The following THADA variants were observed in gnomAD, a reference collection of about 807,000 sequenced individuals.
THADA encodes the protein THADA armadillo repeat containing.
In THADA, 213 loss-of-function variants were observed where a neutral mutation model predicts 219.8. The ratio of observed to expected loss-of-function variants is 0.97; its 90% CI spans 0.87 to 1.09. The LOEUF is 1.09. THADA is among the 50% of genes least tolerant of loss of function. THADA has a pLI of 0.00. For missense variants in THADA, 2,956 were observed against 2,311.3 expected (o/e 1.28, Z -5.72); for synonymous variants, 1,018 against 828.9 (o/e 1.23, Z -3.92).
chr2:43,502,093 G>C (rs1689066594), intron 24 of THADA, among the ~76,000 whole-genome samples: 1 of 151,858 alleles, frequency 6.6e-6, no homozygotes, highest in African/African-American at 2.4e-5. Flanking sequence ...AAATGTCTCT[G>C]TATTAGTTAT....
chr2:43,555,409 T>TAA (rs200004678), intron 17 of THADA, among the ~76,000 whole-genome samples: 1,944 of 151,346 alleles, frequency 0.013, 30 homozygotes, highest in African/African-American at 0.041. Context: ...TATATATATA[T>TAA]ATGTTTTTTA....
chr2:43,315,621 T>A (rs1677991442), intron 31 of THADA, among the ~76,000 whole-genome samples: 1 of 151,982 alleles, frequency 6.6e-6, no homozygotes, highest in South Asian at 2.1e-4. Context: ...CATAACACCA[T>A]GTCCAGCTAA....
intron 26 of THADA, among the ~76,000 whole-genome samples, chr2:43,472,260 T>C (rs75135247): frequency 0.07 from 10,634 of 152,240 alleles, 426 homozygotes; most frequent in Non-Finnish European, 0.098. Context: ...AAGTATGATA[T>C]CTCCAGAGAT....
intron 22 of THADA, among the ~76,000 whole-genome samples, chr2:43,514,053 C>A (rs1324547799): frequency 6.8e-6 from 1 of 147,980 alleles, no homozygotes; most frequent in Non-Finnish European, 1.5e-5. Context: ...CAGTGAGACA[C>A]TGTCCCTTAA....
chr2:43,389,616 A>T (rs1673106530), intron 29 of THADA, among the ~76,000 whole-genome samples: 1 of 152,204 alleles, frequency 6.6e-6, no homozygotes, highest in Admixed American at 6.5e-5. Context: ...TCACATGCTG[A>T]CCTGCACCCA....
chr2:43,342,728 G>A (rs193243554), intron 30 of THADA, among the ~76,000 whole-genome samples: 4 of 152,118 alleles, frequency 2.6e-5, no homozygotes, highest in Non-Finnish European at 5.9e-5. Context: ...ATTTATACAC[G>A]TCTTTCTCAC....
chr2:43,342,837 C>T (rs909878054), intron 30 of THADA, among the ~76,000 whole-genome samples: 1 of 152,136 alleles, frequency 6.6e-6, no homozygotes, highest in Non-Finnish European at 1.5e-5. Flanking sequence ...CTCAACAATG[C>T]TTTGTTGAAT....
intron 13 of THADA, 45 bp downstream of exon 13, chr2:43,571,662 A>G (rs768398518): frequency 2.0e-5 from 32 of 1,561,464 alleles, no homozygotes; most frequent in Non-Finnish European, 2.8e-5. Flanking sequence ...CGATTTCCCA[A>G]ACAAAGTTCA....
At chr2:43,528,126 CTTTTTTTTTTT>C (rs367822642) in intron 21 of THADA, 138 bp from the exon 22 acceptor site, 5 of 162,964 alleles carry the variant, frequency 3.1e-5, no homozygotes, top group African/African-American at 8.8e-5. Flanking sequence ...ATGTTTTAAG[CTTTTTTTTTTT>C]TTTTTTTTTT....
intron 26 of THADA, among the ~76,000 whole-genome samples, chr2:43,480,460 C>T (rs769718508): frequency 2.0e-4 from 31 of 152,034 alleles, no homozygotes; most frequent in East Asian, 1.9e-4. Context: ...GAGGGCCTGG[C>T]CCAGAGTAAA....
chr2:43,264,034 T>G (rs543939737), intron 36 of THADA, among the ~76,000 whole-genome samples: 6 of 152,292 alleles, frequency 3.9e-5, no homozygotes, highest in Admixed American at 2.0e-4. Context: ...TTTTCCTCCA[T>G]GGGCTGAGAC....
At chr2:43,367,317 T>A (rs1283627390) in intron 29 of THADA, among the ~76,000 whole-genome samples, 2 of 152,156 alleles carry the variant, frequency 1.3e-5, no homozygotes, top group Non-Finnish European at 2.9e-5. Context: ...GTTAAGATAG[T>A]AAATTTTATG....
At chr2:43,582,932 T>A (rs1700613477) in intron 7 of THADA, among the ~76,000 whole-genome samples, 1 of 152,098 alleles carries the variant, frequency 6.6e-6, no homozygotes, top group South Asian at 2.1e-4. Flanking sequence ...GCACTCCTTC[T>A]CGGATACCTT....
rs1234716275 is a variant in THADA, at chr2:43,577,186, C to T, written c.873G>A (p.Met291Ile). Residue 291 changes from methionine to isoleucine, a missense_variant, in exon 10 of 38, where the codon ATG (methionine) becomes ATA (isoleucine). By Grantham distance (10) the Met-to-Ile change is conservative. Transcript: ENST00000405975. ...CACAACAGAGGCTCCTGCAGCTGCT[C>T]ATAAACCACTCGGGGACACTGGTGC... is the stretch of plus-strand genomic sequence containing the variant. ...VDCTSVPEWF[M>I]SSCRSLCCGD... 6.2e-7 allele frequency: 1 copy of T among 1,606,576 alleles called. No homozygotes were observed. The highest frequency in any genetic ancestry group is 1.1e-5 in the South Asian group (1 of 89,260).
At chr2:43,508,924 A>C (rs1690038908) in intron 22 of THADA, 144 bp from the exon 23 acceptor site, 1 of 746,550 alleles carries the variant, frequency 1.3e-6, no homozygotes, top group Non-Finnish European at 2.1e-6. Context: ...CATACTTTTC[A>C]CCTACTTTCC....
At chr2:43,329,557 C>A (rs1294635435) in intron 30 of THADA, among the ~76,000 whole-genome samples, 1 of 152,168 alleles carries the variant, frequency 6.6e-6, no homozygotes, top group African/African-American at 2.4e-5. Flanking sequence ...AAAAAGTATT[C>A]TTATTTTATC....
intron 31 of THADA, among the ~76,000 whole-genome samples, chr2:43,316,239 G>A (rs1678065157): frequency 1.3e-5 from 2 of 152,114 alleles, no homozygotes; most frequent in Non-Finnish European, 2.9e-5. Context: ...TTTCTTTAGT[G>A]CCTCAAATGT....
At chr2:43,433,395 G>A (rs916802182) in intron 26 of THADA, among the ~76,000 whole-genome samples, 3 of 151,932 alleles carry the variant, frequency 2.0e-5, no homozygotes, top group Non-Finnish European at 2.9e-5. Context: ...CGGGTGTGGC[G>A]GTGCATGCCT....
intron 26 of THADA, chr2:43,430,578 G>A (rs552467337): frequency 6.3e-6 from 3 of 479,546 alleles, no homozygotes; most frequent in African/African-American, 3.9e-5. Flanking sequence ...GAAGAAATAT[G>A]TAATCTGTGC....
Sources: allele counts gnomAD v4.1 joint callset (sites outside exome capture counted in the v4.1 genomes callset), GRCh38; gene constraint gnomAD v4.1.1; transcripts MANE v1.5; gene names NCBI Gene and HGNC (gene_info 2026-07-23, HGNC 2026-07-21).